Variants in LIN28B observed in about 807,000 individuals in gnomAD.
LIN28B encodes lin-28 RNA binding posttranscriptional regulator B.
In LIN28B, 5 loss-of-function variants were observed where a neutral mutation model predicts 21.9. The observed-to-expected ratio is 0.23, with a 90% CI of 0.12 to 0.48. The LOEUF (loss-of-function observed/expected upper bound fraction) is 0.48, where lower values mean the gene tolerates loss of function less well. LIN28B is among the 20% of genes least tolerant of loss of function. The pLI is 0.98. For missense variants in LIN28B, 245 were observed against 310.5 expected, an observed-to-expected ratio of 0.79 and a Z score of 1.58; for synonymous variants, 109 against 111.3, an observed-to-expected ratio of 0.98 and a Z score of 0.13.
At chr6:105,061,631 T>G (rs1378083703) in intron 3 of LIN28B, among the ~76,000 whole-genome samples, 1 of 151,420 alleles carries the variant, frequency 6.6e-6, no homozygotes, top group Non-Finnish European at 1.5e-5. Context: ...ACAAAACATT[T>G]TAAAATATGT....
Position 105,082,446 on chromosome 6 carries a change from A to G in LIN28B, c.*3663A>G, listed in dbSNP as rs552625459. Reference sequence around the variant, plus strand: ...TATACAGGACATGGGAAATCTCATTAAGTCTTAAAGTTAATTTAAATTAAT... The same window carrying G: ...TATACAGGACATGGGAAATCTCATTGAGTCTTAAAGTTAATTTAAATTAAT... On this transcript the variant is annotated 3_prime_UTR_variant, in exon 4 of 4. Coordinates refer to ENST00000345080, the MANE Select transcript of LIN28B (RefSeq NM_001004317.4). 2.0e-5 allele frequency: 3 copies of G among 152,798 alleles called. No individual in the cohort carries two copies. The East Asian group carries it at 5.8e-4, about 29-fold the overall frequency. The allele number at this position is 152,798 out of a possible 1,614,324, so 9.5% of individuals were successfully genotyped here. A position where few individuals can be genotyped will look rare whatever the true frequency, so the allele number is the denominator to read the frequency against.
chr6:105,035,362 G>C (rs1222723950), intron 3 of LIN28B, among the ~76,000 whole-genome samples: 3 of 152,068 alleles, frequency 2.0e-5, no homozygotes, highest in Non-Finnish European at 4.4e-5. Flanking sequence ...TTAGGAATTT[G>C]CTGTTTAGTA....
chr6:104,948,315 A>G lies in LIN28B; in HGVS notation c.19-2146A>G, dbSNP rs184098278. On this transcript the variant is annotated intron_variant, in intron 2 of 5. Transcript: ENST00000635857. ...AACCCCATCTCTACTAAAAATAGAA[A>G]AATTAGCCAGGCATGGTCGCACATG... 4.1e-3 allele frequency among the ~76,000 whole-genome samples: 620 copies of G among 151,860 alleles called. 3 individuals are homozygous for G. The highest frequency in any genetic ancestry group is 0.015 in the African/African-American group (609 of 41,386).
intron 2 of LIN28B, among the ~76,000 whole-genome samples, chr6:105,010,041 C>T (rs1562091329): frequency 6.6e-6 from 1 of 152,074 alleles, no homozygotes; most frequent in Admixed American, 6.6e-5. Flanking sequence ...TGAATATTGT[C>T]TAAAATCTGT....
chr6:105,012,469 C>CAA (rs746170800), intron 2 of LIN28B, among the ~76,000 whole-genome samples: 1 of 136,210 alleles, frequency 7.3e-6, no homozygotes. Context: ...ACTCCATCTC[C>CAA]AAAAAAAAAA....
At chr6:105,042,100 A>C (rs73771343) in intron 3 of LIN28B, among the ~76,000 whole-genome samples, 3,617 of 152,092 alleles carry the variant, frequency 0.024, 166 homozygotes, top group African/African-American at 0.084. Context: ...TCATTTGCCC[A>C]CTCTGTGCTG....
chr6:105,076,223 T>G (rs1772422207), intron 3 of LIN28B, among the ~76,000 whole-genome samples: 1 of 152,158 alleles, frequency 6.6e-6, no homozygotes, highest in African/African-American at 2.4e-5. Flanking sequence ...AACATGTGAT[T>G]TCTTGTTTTT....
At chr6:104,973,479 T>C (rs1770020503) in intron 2 of LIN28B, among the ~76,000 whole-genome samples, 1 of 152,210 alleles carries the variant, frequency 6.6e-6, no homozygotes. Context: ...CAGGAATTAT[T>C]ACAGCCTTAA....
intron 2 of LIN28B, among the ~76,000 whole-genome samples, chr6:105,003,177 A>G (rs988342870): frequency 6.6e-6 from 1 of 152,216 alleles, no homozygotes; most frequent in African/African-American, 2.4e-5. Context: ...AGAAAGAGAA[A>G]GATACTGATA....
chr6:105,003,006 C>T (rs953227422), intron 2 of LIN28B, among the ~76,000 whole-genome samples: 1 of 152,236 alleles, frequency 6.6e-6, no homozygotes, highest in African/African-American at 2.4e-5. Flanking sequence ...TGTAAGACTT[C>T]GGGCAGGTTA....
chr6:105,014,048 T>C (rs1322029096), intron 2 of LIN28B, among the ~76,000 whole-genome samples: 1 of 152,180 alleles, frequency 6.6e-6, no homozygotes, highest in Non-Finnish European at 1.5e-5. Context: ...CCTATTTTAT[T>C]GATTTATGTT....
intron 2 of LIN28B, among the ~76,000 whole-genome samples, chr6:104,937,721 A>G (rs1475973912): frequency 2.0e-5 from 3 of 152,218 alleles, no homozygotes; most frequent in African/African-American, 4.8e-5. Flanking sequence ...AGAGGGCAAG[A>G]GAAATATGAA....
intron 2 of LIN28B, among the ~76,000 whole-genome samples, chr6:105,001,536 A>C (rs566314147): frequency 6.6e-6 from 1 of 152,322 alleles, no homozygotes; most frequent in African/African-American, 2.4e-5. Flanking sequence ...TAGTCAGTGC[A>C]TTTCCAAAAT....
Position 105,042,026 on chromosome 6 carries a change from A to G in LIN28B, c.383+15544A>G, listed in dbSNP as rs981792576. 2.0e-5 allele frequency among the ~76,000 whole-genome samples: 3 copies of G among 152,194 alleles called. No individual in the cohort carries two copies. In the South Asian group the frequency reaches 6.2e-4, roughly 32 times the overall value. On this transcript the variant is annotated intron_variant, in intron 3 of 3. Coordinates refer to ENST00000345080, the MANE Select transcript of LIN28B (RefSeq NM_001004317.4). ...GATAGAATTCCCAGCAATTCTCACA[A>G]AAGTTCAGAATTAATTTTGTTGATC... is the stretch of plus-strand genomic sequence containing the variant.
At chr6:105,066,110 C>T (rs569302496) in intron 3 of LIN28B, among the ~76,000 whole-genome samples, 12 of 152,266 alleles carry the variant, frequency 7.9e-5, no homozygotes, top group Non-Finnish European at 1.5e-4. Context: ...GAGCTCTAGG[C>T]TGTAGTGAGC....
At chr6:104,961,066 T>A (rs1769729667) in intron 2 of LIN28B, among the ~76,000 whole-genome samples, 1 of 152,174 alleles carries the variant, frequency 6.6e-6, no homozygotes, top group African/African-American at 2.4e-5. Context: ...AAAATGACAG[T>A]CTTCATTTGA....
At chr6:105,006,772 A>G (rs552228553) in intron 2 of LIN28B, among the ~76,000 whole-genome samples, 12 of 152,342 alleles carry the variant, frequency 7.9e-5, no homozygotes, top group African/African-American at 1.9e-4. Flanking sequence ...ACTTGCTTCC[A>G]TAAGTTTTGA....
chr6:105,050,609 A>AAAAAAG, intron 3 of LIN28B, among the ~76,000 whole-genome samples: 1 of 14,526 alleles, frequency 6.9e-5, no homozygotes, highest in South Asian at 1.7e-3. Context: ...ACTCCGTCTC[A>AAAAAAG]AAAAAAAAAA....
chr6:105,063,198 A>G (rs2114403890), intron 3 of LIN28B, among the ~76,000 whole-genome samples: 2 of 152,334 alleles, frequency 1.3e-5, no homozygotes, highest in Middle Eastern at 6.8e-3. Flanking sequence ...TTACATCATT[A>G]TAATTAGAGT....
Sources: allele counts gnomAD v4.1 joint callset (sites outside exome capture counted in the v4.1 genomes callset), GRCh38; gene constraint gnomAD v4.1.1; transcripts MANE v1.5; gene names NCBI Gene and HGNC (gene_info 2026-07-23, HGNC 2026-07-21).